DCAF10: variants seen among roughly 807,000 people sequenced by gnomAD.
DCAF10 encodes the protein DDB1- and CUL4-associated factor 10.
A neutral mutation model predicts 51.9 loss-of-function variants in DCAF10; 19 were observed. The observed-to-expected ratio is 0.37, with a 90% CI of 0.26 to 0.54. DCAF10 has a LOEUF of 0.54. Among genes scored for constraint, DCAF10 ranks in the 20% least tolerant of loss-of-function variants. The pLI is 0.87. For missense variants in DCAF10, 510 were observed against 730.6 expected, an observed-to-expected ratio of 0.70 and a Z score of 3.48; for synonymous variants, 291 against 297.1, an observed-to-expected ratio of 0.98 and a Z score of 0.21.
intron 2 of DCAF10, among the ~76,000 whole-genome samples, chr9:37,835,698 C>G (rs1462606922): frequency 2.0e-5 from 3 of 152,128 alleles, no homozygotes; most frequent in Non-Finnish European, 4.4e-5. Flanking sequence ...AGAGTCACGC[C>G]ATTGCACTCC....
chr9:37,834,956 T>G (rs1436219106), intron 2 of DCAF10, among the ~76,000 whole-genome samples: 1 of 152,026 alleles, frequency 6.6e-6, no homozygotes, highest in African/African-American at 2.4e-5. Flanking sequence ...TGGCTAATTT[T>G]GGTATTTTTC....
At chr9:37,826,882 A>G (rs1431521495) in intron 2 of DCAF10, among the ~76,000 whole-genome samples, 1 of 146,222 alleles carries the variant, frequency 6.8e-6, no homozygotes, top group East Asian at 2.0e-4. Context: ...CTGGAGAGCA[A>G]TGGCGCGATC....
chr9:37,835,433 A>G (rs1324405420), intron 2 of DCAF10, among the ~76,000 whole-genome samples: 1 of 151,738 alleles, frequency 6.6e-6, no homozygotes, highest in Admixed American at 6.6e-5. Flanking sequence ...ACAAAAATTA[A>G]CCGGGTGTGA....
At chr9:37,852,147 G>C (rs1424883279) in intron 3 of DCAF10, among the ~76,000 whole-genome samples, 1 of 152,052 alleles carries the variant, frequency 6.6e-6, no homozygotes. Flanking sequence ...ATTCACCAGA[G>C]GGGGGAAAAA....
intron 1 of DCAF10, among the ~76,000 whole-genome samples, chr9:37,804,514 C>T (rs1181883256): frequency 6.6e-6 from 1 of 152,142 alleles, no homozygotes; most frequent in East Asian, 1.9e-4. Context: ...CGGTGGCTCA[C>T]GCCTGTAATC....
chr9:37,844,254 C>CT (rs1830413639), intron 3 of DCAF10, among the ~76,000 whole-genome samples: 1 of 152,250 alleles, frequency 6.6e-6, no homozygotes. Context: ...GGCATGGTGG[C>CT]TCACGCCTGT....
intron 3 of DCAF10, among the ~76,000 whole-genome samples, chr9:37,851,362 A>G (rs1244740670): frequency 6.6e-6 from 1 of 152,002 alleles, no homozygotes; most frequent in African/African-American, 2.4e-5. Context: ...GCATTTTTTC[A>G]TAGAGACAGT....
intron 1 of DCAF10, among the ~76,000 whole-genome samples, chr9:37,816,129 T>TA (rs112155353): frequency 0.17 from 25,999 of 151,418 alleles, 2,389 homozygotes; most frequent in African/African-American, 0.22. Flanking sequence ...TATTCAAATA[T>TA]AAAAAAAAAT....
chr9:37,860,458 C>A, intron 6 of DCAF10: 2 of 335,038 alleles, frequency 6.0e-6, no homozygotes, highest in Admixed American at 4.5e-5. Context: ...AGTTTTTGCC[C>A]AGCTTCTTAA....
At chr9:37,805,385 G>A (rs1829081003) in intron 1 of DCAF10, among the ~76,000 whole-genome samples, 1 of 152,180 alleles carries the variant, frequency 6.6e-6, no homozygotes, top group East Asian at 1.9e-4. Context: ...TTGGGAGGCT[G>A]AGGCAGGAAA....
Position 37,802,900 on chromosome 9 carries a change from T to C in DCAF10, c.539+1495T>C, listed in dbSNP as rs560759958. On this transcript the variant is annotated intron_variant, in intron 1 of 6. Coordinates refer to ENST00000377724, the MANE Select transcript of DCAF10 (RefSeq NM_024345.5). ...AGTCTGTCCTCAAATATTCAGTTTC[T>C]CTCTTCATATCCCGGCCCCTCTCCT... Among the ~76,000 whole-genome samples the C allele has an allele frequency of 4.6e-5, 7 of 152,308 alleles. No individual in the cohort carries two copies. The South Asian group carries it at 1.4e-3, about 32-fold the overall frequency.
At chr9:37,817,127 C>A (rs573989696) in intron 1 of DCAF10, among the ~76,000 whole-genome samples, 7 of 152,124 alleles carry the variant, frequency 4.6e-5, no homozygotes, top group African/African-American at 1.4e-4. Context: ...ATAAGATCAG[C>A]CTTGATATTG....
chr9:37,833,113 C>T (rs940762021), intron 2 of DCAF10, among the ~76,000 whole-genome samples: 19 of 152,138 alleles, frequency 1.2e-4, no homozygotes, highest in African/African-American at 4.6e-4. Context: ...CAATCCACCT[C>T]GCTCAAAGTG....
At chr9:37,841,021 A>G (rs747265751) in intron 2 of DCAF10, among the ~76,000 whole-genome samples, 2 of 152,178 alleles carry the variant, frequency 1.3e-5, no homozygotes, top group Non-Finnish European at 2.9e-5. Flanking sequence ...TGTACCATCT[A>G]GGTTTGTGTA....
intron 2 of DCAF10, among the ~76,000 whole-genome samples, chr9:37,839,009 T>G (rs2118018447): frequency 6.6e-6 from 1 of 152,294 alleles, no homozygotes; most frequent in Non-Finnish European, 1.5e-5. Context: ...AAACAGAAAT[T>G]AAGCTAAACA....
intron 2 of DCAF10, among the ~76,000 whole-genome samples, chr9:37,826,274 C>T (rs185343613): frequency 6.6e-6 from 1 of 152,278 alleles, no homozygotes; most frequent in Non-Finnish European, 1.5e-5. Flanking sequence ...GAAACCCCTA[C>T]AGCTATTATG....
At chr9:37,856,378 T>TA (rs1484557964) in intron 4 of DCAF10, among the ~76,000 whole-genome samples, 1 of 152,238 alleles carries the variant, frequency 6.6e-6, no homozygotes, top group Admixed American at 6.5e-5. Context: ...TTAAACATGA[T>TA]AAGCAACTCT....
chr9:37,802,381 CTG>C (rs1423085321), intron 1 of DCAF10, among the ~76,000 whole-genome samples: 2 of 152,130 alleles, frequency 1.3e-5, no homozygotes, highest in African/African-American at 4.8e-5. Flanking sequence ...GTTATGGACA[CTG>C]TGTTCACGGA....
chr9:37,850,881 T>TATATATATAA (rs1554689977), intron 3 of DCAF10, among the ~76,000 whole-genome samples: 9 of 103,946 alleles, frequency 8.7e-5, no homozygotes, highest in East Asian at 3.4e-4. Flanking sequence ...TATATATATA[T>TATATATATAA]AAATTAGCTT....
Sources: gnomAD v4.1 joint callset for allele counts (sites outside exome capture counted in the v4.1 genomes callset) on GRCh38, gnomAD v4.1.1 for gene constraint, MANE v1.5 for transcripts, NCBI Gene and HGNC (gene_info 2026-07-23, HGNC 2026-07-21) for gene names.